AMACR: variants seen among roughly 807,000 people sequenced by gnomAD.
The protein encoded by AMACR is alpha-methylacyl-CoA racemase.
In AMACR, 18 loss-of-function variants were observed where a neutral mutation model predicts 22.2. That is an observed-to-expected ratio of 0.81 (90% CI 0.56 to 1.20). The LOEUF (loss-of-function observed/expected upper bound fraction) is 1.20. Among genes scored for constraint, AMACR ranks in the 50% most tolerant of loss-of-function variants. The pLI, the probability that AMACR is intolerant of heterozygous loss-of-function variation, is 0.00. For synonymous variants in AMACR, 213 were observed against 191.3 expected (o/e 1.11, Z -0.94); for missense variants, 499 against 490.6 (o/e 1.02, Z -0.16).
rs772946350 is a variant in AMACR at position 33,989,329 on chromosome 5, G to A, written c.913C>T (p.His305Tyr). Residue 305 changes from histidine (H) to tyrosine (Y), a missense_variant, in exon 5 of 5, where the codon CAT (histidine) becomes TAT (tyrosine). Transcript: ENST00000335606. ...CCCCGTTCCTTGTTGTGATCATGATGAACAACCTCCTCAAAAGTCAGAACC... is the reference window on the plus strand; with the variant it reads ...CCCCGTTCCTTGTTGTGATCATGATAAACAACCTCCTCAAAAGTCAGAACC... ...TPVLTFEEVVHHDHNKERGSF... is the reference protein window; with the variant it reads ...TPVLTFEEVVYHDHNKERGSF... The A allele has an allele frequency of 3.7e-6, 6 of 1,614,012 alleles. No homozygotes were observed. In the Admixed American group the frequency reaches 5.0e-5, roughly 13 times the overall value.
Position 34,004,748 on chromosome 5 carries a change from A to G in AMACR, c.392-14T>C. The G allele has an allele frequency of 6.2e-7, 1 of 1,613,728 alleles. No homozygotes were observed. The highest frequency in any genetic ancestry group is 8.5e-7 in the Non-Finnish European group (1 of 1,179,636). On this transcript the variant is annotated splice_polypyrimidine_tract_variant and intron_variant, in intron 2 of 4. Coordinates refer to ENST00000335606, the MANE Select transcript of AMACR (RefSeq NM_014324.6). ...TTGAGAGAACACCTACATCATTAAAAACAAATTTAATGTCTCTTTTAAATT... is the reference window on the plus strand; with the variant it reads ...TTGAGAGAACACCTACATCATTAAAGACAAATTTAATGTCTCTTTTAAATT...
At chr5:33,990,198 A>G (rs1243340560) in intron 4 of AMACR, among the ~76,000 whole-genome samples, 2 of 152,352 alleles carry the variant, frequency 1.3e-5, no homozygotes, top group African/African-American at 4.8e-5. Context: ...TTTTAAAATA[A>G]AAGAGCCCAA....
chr5:33,994,133 G>C (rs1408565429), intron 4 of AMACR: 2 of 448,646 alleles, frequency 4.5e-6, no homozygotes, highest in Non-Finnish European at 8.9e-6. Flanking sequence ...AAAACACAAA[G>C]GGGAGTAAAT....
chr5:33,989,851 C>T (rs940386956), intron 4 of AMACR, among the ~76,000 whole-genome samples: 16 of 151,942 alleles, frequency 1.1e-4, no homozygotes, highest in Non-Finnish European at 1.8e-4. Context: ...TAAAATAACT[C>T]CCTATTTTCT....
intron 4 of AMACR, among the ~76,000 whole-genome samples, chr5:33,998,031 C>T (rs1441702369): frequency 2.0e-5 from 3 of 149,266 alleles, no homozygotes; most frequent in Non-Finnish European, 3.0e-5. Context: ...AGAGTGAACT[C>T]TAAATTCAAA....
At chr5:34,004,424 A>G (rs1753907980) in intron 3 of AMACR, 150 bp downstream of exon 3, 2 of 996,472 alleles carry the variant, frequency 2.0e-6, no homozygotes, top group East Asian at 2.4e-5. Flanking sequence ...ACATAAGTCT[A>G]TTTTAAAAAG....
intron 4 of AMACR, among the ~76,000 whole-genome samples, chr5:33,996,390 T>G (rs1753636839): frequency 6.6e-6 from 1 of 152,116 alleles, no homozygotes; most frequent in South Asian, 2.1e-4. Context: ...GAGAGATCTG[T>G]AAAGGCCCTC....
At chr5:34,001,099 C>T (rs941224907) in intron 3 of AMACR, among the ~76,000 whole-genome samples, 29 of 152,222 alleles carry the variant, frequency 1.9e-4, no homozygotes, top group African/African-American at 1.7e-4. Context: ...CCCTGGCACA[C>T]GGCTTCTCTT....
At chr5:33,994,095 A>G in intron 4 of AMACR, 1 of 456,058 alleles carries the variant, frequency 2.2e-6, no homozygotes, top group Non-Finnish European at 4.4e-6. Flanking sequence ...AACTGAAGAT[A>G]CAGATTAAAG....
chr5:34,004,569 C>G lies in AMACR; in HGVS notation c.552+5G>C. The G allele has an allele frequency of 6.2e-7, 1 of 1,614,034 alleles. No homozygotes were observed. The highest frequency in any genetic ancestry group is 1.3e-5 in the African/African-American group (1 of 75,020). ...TGGCAGGCATCTACCCCAATTAATACTTACCATATTTGCATCAATGACCTG... is the reference window on the plus strand; with the variant it reads ...TGGCAGGCATCTACCCCAATTAATAGTTACCATATTTGCATCAATGACCTG... On this transcript the variant is annotated splice_donor_5th_base_variant and intron_variant, in intron 3 of 4. Coordinates refer to ENST00000335606, the MANE Select transcript of AMACR (RefSeq NM_014324.6).
At position 33,988,365 on chromosome 5, in the gene AMACR, A is replaced by T; in HGVS notation, c.*728T>A. 1 of 1,539,874 alleles carries T rather than the reference A, an allele frequency of 6.5e-7. No homozygotes were observed. Among genetic ancestry groups the T allele is most frequent in the Non-Finnish European group, 8.7e-7 (1 of 1,148,260 alleles). ...AGATCCAGAACTTGCTACCAGCCTG[A>T]GGAGAAATCAAACACATGGAGAAAG... is the stretch of plus-strand genomic sequence containing the variant. On this transcript the variant is annotated 3_prime_UTR_variant, in exon 5 of 5. Transcript: ENST00000335606.
chr5:34,005,684 T>C (rs1753949954), intron 2 of AMACR, 72 bp downstream of exon 2: 2 of 1,561,536 alleles, frequency 1.3e-6, no homozygotes, highest in Admixed American at 1.7e-5. Flanking sequence ...TTACAAATTA[T>C]TGTTAATCAA....
intron 3 of AMACR, among the ~76,000 whole-genome samples, chr5:34,003,137 G>A (rs1407559220): frequency 6.6e-6 from 1 of 152,138 alleles, no homozygotes; most frequent in Non-Finnish European, 1.5e-5. Flanking sequence ...CTCCTTAGCT[G>A]TCCTCAGCCC....
intron 4 of AMACR, chr5:33,993,960 T>A (rs1303205706): frequency 2.3e-6 from 1 of 442,452 alleles, no homozygotes; most frequent in Non-Finnish European, 4.5e-6. Context: ...GATTGTACTA[T>A]AAGAGACTTG....
intron 4 of AMACR, chr5:33,997,220 C>T (rs1437499880): frequency 3.9e-6 from 3 of 765,372 alleles, no homozygotes; most frequent in South Asian, 2.7e-5. Context: ...CCAGCATTAG[C>T]GACTAATTCA....
At chr5:33,993,622 G>C (rs924875466) in intron 4 of AMACR, among the ~76,000 whole-genome samples, 3 of 152,174 alleles carry the variant, frequency 2.0e-5, no homozygotes, top group Non-Finnish European at 4.4e-5. Flanking sequence ...TGAAGGCCAG[G>C]AGTGGTGGCT....
rs543385430 is a variant in AMACR, at chr5:34,007,504, A to G, written c.247+269T>C. 1.9e-4 allele frequency among the ~76,000 whole-genome samples: 29 copies of G among 152,102 alleles called. No homozygotes were observed. In the Middle Eastern group the frequency reaches 0.017, roughly 89 times the overall value. ...AAGGCAAATACGGAACGTTTCTTAG[A>G]AAAAAAAGGAGGAATTTGGGAAGGA... On this transcript the variant is annotated intron_variant, in intron 1 of 4. Coordinates refer to ENST00000335606, the MANE Select transcript of AMACR (RefSeq NM_014324.6).
chr5:33,990,218 G>C (rs1753434442), intron 4 of AMACR, among the ~76,000 whole-genome samples: 2 of 152,320 alleles, frequency 1.3e-5, no homozygotes, highest in South Asian at 4.1e-4. Context: ...AAAGGGCTTT[G>C]TACTAGGATG....
chr5:33,997,189 T>C (rs539771504), intron 4 of AMACR: 35 of 760,312 alleles, frequency 4.6e-5, no homozygotes, highest in South Asian at 4.3e-4. Context: ...TCATACCCTA[T>C]ATGAGGGTTG....
Sources: gnomAD v4.1 joint callset for allele counts (sites outside exome capture counted in the v4.1 genomes callset) on GRCh38, gnomAD v4.1.1 for gene constraint, MANE v1.5 for transcripts, NCBI Gene and HGNC (gene_info 2026-07-23, HGNC 2026-07-21) for gene names.